Variants in CD99 observed in about 807,000 individuals in gnomAD.
CD99 encodes the protein CD99 molecule (Xg blood group), also known as CD99 antigen.
In CD99, 19 loss-of-function variants were observed where a neutral mutation model predicts 28.4. The observed-to-expected ratio is 0.67, with a 90% CI of 0.47 to 0.98. The LOEUF (loss-of-function observed/expected upper bound fraction) is 0.98, where lower values mean the gene tolerates loss of function less well. CD99 is among the 50% of genes least tolerant of loss of function. The probability of loss-of-function intolerance (pLI) is 0.00; values close to 1 mark genes in which losing one functional copy is unlikely to be tolerated. For synonymous variants in CD99, 103 were observed against 92.1 expected, an observed-to-expected ratio of 1.12 and a Z score of -0.67; for missense variants, 283 against 248.8, an observed-to-expected ratio of 1.14 and a Z score of -0.92.
intron 3 of CD99, chrX:2,717,926 G>T (rs779775480): frequency 3.0e-4 from 94 of 314,440 alleles, no homozygotes; most frequent in Middle Eastern, 2.0e-3. Context: ...TCTGTCTTTA[G>T]ATTTTCTTCC....
At chrX:2,694,160 C>T (rs1168704570) in intron 1 of CD99, among the ~76,000 whole-genome samples, 1 of 152,152 alleles carries the variant, frequency 6.6e-6, no homozygotes, top group South Asian at 2.1e-4. Context: ...CCCGGGGCAA[C>T]GGCACAGCGG....
At chrX:2,715,039 C>T (rs2124553090) in intron 2 of CD99, 1 of 152,508 alleles carries the variant, frequency 6.6e-6, no homozygotes, top group African/African-American at 2.4e-5. Context: ...TGGAGGTCCC[C>T]AGGAGAGAGG....
At chrX:2,702,530 G>A (rs756682499) in intron 1 of CD99, among the ~76,000 whole-genome samples, 16 of 152,284 alleles carry the variant, frequency 1.1e-4, no homozygotes, top group Non-Finnish European at 2.2e-4. Flanking sequence ...TGACTTGCCT[G>A]CTTACTAAAA....
intron 7 of CD99, among the ~76,000 whole-genome samples, chrX:2,725,833 A>G (rs2049251294): frequency 6.6e-6 from 1 of 152,106 alleles, no homozygotes; most frequent in Non-Finnish European, 1.5e-5. Flanking sequence ...GGCTGGTCTC[A>G]AACTCCTGAC....
intron 7 of CD99, among the ~76,000 whole-genome samples, chrX:2,724,597 C>T (rs1235687630): frequency 3.9e-5 from 6 of 152,002 alleles, no homozygotes; most frequent in Admixed American, 2.6e-4. Flanking sequence ...GGTGAAACCC[C>T]TTTTCTACAA....
At chrX:2,728,110 C>T (rs767600953) in intron 8 of CD99, among the ~76,000 whole-genome samples, 4 of 152,082 alleles carry the variant, frequency 2.6e-5, no homozygotes, top group South Asian at 4.1e-4. Context: ...TTTATTTCCC[C>T]GTTCTTGCTG....
intron 2 of CD99, chrX:2,715,322 G>C (rs974242467): frequency 3.3e-5 from 5 of 152,198 alleles, no homozygotes; most frequent in African/African-American, 1.2e-4. Context: ...TCCAGACCTG[G>C]ACAACAGAAG....
At chrX:2,732,675 T>C (rs376033777) in intron 8 of CD99, among the ~76,000 whole-genome samples, 6 of 149,382 alleles carry the variant, frequency 4.0e-5, no homozygotes, top group South Asian at 4.4e-4. Context: ...TCTCTTCCTT[T>C]CTTCCTTCTC....
At chrX:2,692,408 G>A (rs2047364183) in intron 1 of CD99, among the ~76,000 whole-genome samples, 1 of 152,228 alleles carries the variant, frequency 6.6e-6, no homozygotes, top group African/African-American at 2.4e-5. Flanking sequence ...GGGGAGGACG[G>A]AGGAGGCCCG....
intron 5 of CD99, among the ~76,000 whole-genome samples, chrX:2,721,863 G>A (rs1172634914): frequency 6.6e-6 from 1 of 152,068 alleles, no homozygotes; most frequent in Non-Finnish European, 1.5e-5. Flanking sequence ...GCAAATCTGA[G>A]TCAACTCCAT....
chrX:2,737,335 G>C (rs1488924569), intron 8 of CD99, among the ~76,000 whole-genome samples: 1 of 150,706 alleles, frequency 6.6e-6, no homozygotes, highest in Non-Finnish European at 1.5e-5. Context: ...ACGCCACCAC[G>C]CCCAGCTAAT....
chrX:2,701,878 T>G (rs1028590863), intron 1 of CD99, among the ~76,000 whole-genome samples: 8 of 152,154 alleles, frequency 5.3e-5, no homozygotes, highest in African/African-American at 1.9e-4. Context: ...ACAAGCTATT[T>G]TAGGAGATAT....
At chrX:2,720,142 C>T (rs774698230) in intron 4 of CD99, among the ~76,000 whole-genome samples, 129 of 152,150 alleles carry the variant, frequency 8.5e-4, no homozygotes, top group African/African-American at 2.4e-3. Flanking sequence ...TGTGGACACC[C>T]GCTTTAATTT....
In CD99 at chrX:2,726,345, G is replaced by T; in HGVS notation, c.447G>T (p.Gln149His). 6.2e-7 allele frequency: 1 copy of T among 1,610,502 alleles called. No individual in the cohort carries two copies. Among genetic ancestry groups the T allele is most frequent in the South Asian group, 1.1e-5 (1 of 90,960 alleles). Residue 149 changes from glutamine to histidine, a missense_variant, in exon 8 of 10, where the codon CAG becomes CAT. Transcript: ENST00000381192. ...CCATCTCTAGCTTCATTGCTTACCA[G>T]AAAAAGAAGCTATGCTTCAAAGAAA... The part of the protein sequence containing the change: ...AGAISSFIAY[Q>H]KKKLCFKENA...
intron 7 of CD99, among the ~76,000 whole-genome samples, chrX:2,725,959 G>A (rs562902104): frequency 2.0e-5 from 3 of 152,068 alleles, no homozygotes; most frequent in Non-Finnish European, 4.4e-5. Flanking sequence ...CTCTGCCTTG[G>A]TTCTGCTGAG....
chrX:2,738,280 C>T, intron 9 of CD99, 24 bp downstream of exon 9: 1 of 1,611,666 alleles, frequency 6.2e-7, no homozygotes, highest in East Asian at 2.2e-5. Flanking sequence ...GGAACGATGG[C>T]TTGCACACGT....
intron 8 of CD99, 27 bp downstream of exon 8, chrX:2,726,400 C>T (rs1205107920): frequency 7.4e-7 from 1 of 1,352,924 alleles, no homozygotes; most frequent in Non-Finnish European, 1.1e-6. Flanking sequence ...CGGTGCCTCT[C>T]CTTCATGCCT....
At chrX:2,730,323 C>T (rs1367435433) in intron 8 of CD99, among the ~76,000 whole-genome samples, 2 of 151,166 alleles carry the variant, frequency 1.3e-5, no homozygotes, top group Middle Eastern at 3.2e-3. Context: ...CAGGCGCGTG[C>T]CACCACGTCC....
chrX:2,716,208 G>A (rs1371090700), intron 2 of CD99, among the ~76,000 whole-genome samples: 15 of 152,076 alleles, frequency 9.9e-5, no homozygotes, highest in African/African-American at 2.4e-4. Context: ...CAGTACAGAC[G>A]GGGTTTCATA....
Sources: allele counts gnomAD v4.1 joint callset (sites outside exome capture counted in the v4.1 genomes callset), GRCh38; gene constraint gnomAD v4.1.1; transcripts MANE v1.5; gene names NCBI Gene and HGNC (gene_info 2026-07-23, HGNC 2026-07-21).